The following KPNA5 variants were observed in gnomAD, a reference collection of about 807,000 sequenced individuals.
KPNA5 encodes the protein karyopherin subunit alpha 5.
In KPNA5, 46 loss-of-function variants were observed where a neutral mutation model predicts 71.3. The ratio of observed to expected loss-of-function variants is 0.65; its 90% CI spans 0.51 to 0.83. The LOEUF is 0.83. Among genes scored for constraint, KPNA5 ranks in the 40% least tolerant of loss-of-function variants. KPNA5 has a pLI of 0.00. For synonymous variants in KPNA5, 207 were observed against 201.4 expected (o/e 1.03, Z -0.24); for missense variants, 547 against 628.3 (o/e 0.87, Z 1.38).
At chr6:116,706,691 GATA>G (rs941409504) in intron 7 of KPNA5, among the ~76,000 whole-genome samples, 1 of 151,662 alleles carries the variant, frequency 6.6e-6, no homozygotes, top group African/African-American at 2.4e-5. Context: ...CTCCATTTCA[GATA>G]ATAATAATAA....
At chr6:116,726,363 ATT>A in intron 11 of KPNA5, 130 bp from the exon 12 acceptor site, 1 of 708,584 alleles carries the variant, frequency 1.4e-6, no homozygotes. Flanking sequence ...CAGAATAGAA[ATT>A]AAAAATTTAT....
At chr6:116,685,439 C>A (rs1777537624) in intron 1 of KPNA5, among the ~76,000 whole-genome samples, 1 of 152,112 alleles carries the variant, frequency 6.6e-6, no homozygotes, top group African/African-American at 2.4e-5. Flanking sequence ...CTCCTCCTAC[C>A]CTCCACCCTC....
chr6:116,712,925 C>T (rs557655196), intron 7 of KPNA5, among the ~76,000 whole-genome samples: 39 of 152,126 alleles, frequency 2.6e-4, no homozygotes, highest in South Asian at 4.1e-4. Flanking sequence ...TTGAATTACT[C>T]GCAGTTTACC....
In KPNA5 at chr6:116,722,310, C is replaced by T. The variant is rs763576250; in HGVS notation, c.920+21C>T. The T allele has an allele frequency of 7.0e-6, 11 of 1,564,572 alleles. No homozygotes were observed. In the South Asian group the frequency reaches 9.4e-5, roughly 13 times the overall value. On this transcript the variant is annotated intron_variant, in intron 9 of 13. Transcript: ENST00000368564. ...TTGATGTAACTATAAATAATTTATG[C>T]TTAATAATTGTATGATTGAGATTAA...
intron 1 of KPNA5, among the ~76,000 whole-genome samples, chr6:116,685,055 T>G (rs1041206733): frequency 1.5e-4 from 23 of 152,350 alleles, no homozygotes; most frequent in African/African-American, 5.5e-4. Context: ...AAATGAAAAC[T>G]TATGTTTACA....
At position 116,726,499 on chromosome 6, in the gene KPNA5, T is replaced by C; in HGVS notation, c.1130T>C (p.Val377Ala). ...ATATATTTTTCCCCCTCTCAGGCTG[T>C]TATAGATGCAAATATTTTTCCTGTT... ...TAGNRAQIQA[V>A]IDANIFPVLI... Residue 377 changes from valine to alanine, a missense_variant, in exon 12 of 14, where the codon GTT becomes GCT. By Grantham distance (64) the Val-to-Ala change is moderately conservative (BLOSUM62 0). Transcript: ENST00000368564. The C allele has an allele frequency of 6.2e-7, 1 of 1,610,578 alleles. No individual in the cohort carries two copies. The highest frequency in any genetic ancestry group is 1.1e-5 in the South Asian group (1 of 90,732).
chr6:116,715,676 G>A lies in KPNA5; in HGVS notation c.657-543G>A, dbSNP rs912863806. ...TTCACGCCTGTAATCCTAGCACTTT[G>A]GGAGCCTGAGGCAGGTGGATCACGA... On this transcript the variant is annotated intron_variant, in intron 7 of 13. Coordinates refer to ENST00000368564, the MANE Select transcript of KPNA5 (RefSeq NM_001366306.2). Among the ~76,000 whole-genome samples the A allele has an allele frequency of 6.6e-5, 10 of 152,058 alleles. No homozygotes were observed. In the South Asian group the frequency reaches 2.1e-3, roughly 32 times the overall value.
chr6:116,708,176 C>T (rs1778519730), intron 7 of KPNA5, among the ~76,000 whole-genome samples: 1 of 152,182 alleles, frequency 6.6e-6, no homozygotes, highest in African/African-American at 2.4e-5. Flanking sequence ...GGTGTGTCCA[C>T]CTTTTGACTA....
intron 5 of KPNA5, among the ~76,000 whole-genome samples, chr6:116,699,450 C>T (rs1206509534): frequency 6.6e-6 from 1 of 152,128 alleles, no homozygotes; most frequent in Non-Finnish European, 1.5e-5. Context: ...AGGAATTGCA[C>T]AAGACATACA....
rs1778393075 is a variant in KPNA5 at position 116,705,167 on chromosome 6, A to G, written c.656+7A>G. ...TACTTCCACCTCTTTTAGAGTAAGTACTTTATCACAATTAAGTATATATCA... is the reference window on the plus strand; with the variant it reads ...TACTTCCACCTCTTTTAGAGTAAGTGCTTTATCACAATTAAGTATATATCA... On this transcript the variant is annotated splice_region_variant and intron_variant, in intron 7 of 13. Coordinates refer to ENST00000368564, the MANE Select transcript of KPNA5 (RefSeq NM_001366306.2). The G allele has an allele frequency of 6.3e-7, 1 of 1,580,218 alleles. No individual in the cohort carries two copies.
chr6:116,694,868 G>C (rs1777962293), intron 4 of KPNA5, among the ~76,000 whole-genome samples: 1 of 152,090 alleles, frequency 6.6e-6, no homozygotes, highest in Non-Finnish European at 1.5e-5. Flanking sequence ...GGGGGTCAAA[G>C]GGAATACACT....
intron 12 of KPNA5, among the ~76,000 whole-genome samples, chr6:116,726,873 C>G (rs571864169): frequency 3.9e-5 from 6 of 151,966 alleles, no homozygotes; most frequent in African/African-American, 1.4e-4. Flanking sequence ...CGGGAACGGT[C>G]TATGTTAATT....
intron 7 of KPNA5, among the ~76,000 whole-genome samples, chr6:116,706,890 G>T (rs1407249865): frequency 1.3e-5 from 2 of 152,060 alleles, no homozygotes; most frequent in Admixed American, 6.6e-5. Flanking sequence ...CAGGCCGGGC[G>T]CAGTGGCTCA....
intron 3 of KPNA5, 68 bp from the exon 4 acceptor site, chr6:116,692,225 T>G: frequency 1.4e-6 from 2 of 1,417,082 alleles, no homozygotes; most frequent in Non-Finnish European, 2.0e-6. Flanking sequence ...ATAACAAATA[T>G]TTATGCATGC....
chr6:116,715,563 TTTA>T (rs765214496), intron 7 of KPNA5, among the ~76,000 whole-genome samples: 11 of 152,178 alleles, frequency 7.2e-5, no homozygotes, highest in Non-Finnish European at 1.3e-4. Flanking sequence ...ATAGGTAATC[TTTA>T]TATAATTTAA....
chr6:116,692,052 C>T lies in KPNA5; in HGVS notation c.139-3C>T, dbSNP rs1487889804. The T allele has an allele frequency of 1.3e-6, 2 of 1,587,466 alleles. No individual in the cohort carries two copies. Among genetic ancestry groups the T allele is most frequent in the Non-Finnish European group, 1.7e-6 (2 of 1,156,646 alleles). On this transcript the variant is annotated splice_polypyrimidine_tract_variant and splice_region_variant and intron_variant, in intron 2 of 13. Coordinates refer to ENST00000368564, the MANE Select transcript of KPNA5 (RefSeq NM_001366306.2). ...TGTGTAAACTGATTTCTCTTTATTA[C>T]AGTTGTTCAAACGCAGAAATGTCTA...
intron 7 of KPNA5, among the ~76,000 whole-genome samples, chr6:116,710,871 T>TCATATA (rs1221307889): frequency 9.6e-6 from 1 of 103,832 alleles, no homozygotes; most frequent in Non-Finnish European, 1.9e-5. Flanking sequence ...AGTAATATTA[T>TCATATA]TTTATATATA....
intron 11 of KPNA5, among the ~76,000 whole-genome samples, 172 bp downstream of exon 11, chr6:116,726,048 G>A (rs73765840): frequency 0.012 from 1,736 of 146,130 alleles, 32 homozygotes; most frequent in African/African-American, 0.042. Flanking sequence ...TAGTATTCTA[G>A]TGAAGAACAT....
intron 8 of KPNA5, 63 bp downstream of exon 8, chr6:116,716,381 C>CT (rs1415588082): frequency 6.1e-5 from 68 of 1,119,750 alleles, no homozygotes; most frequent in Non-Finnish European, 7.5e-5. Flanking sequence ...TATATAATAG[C>CT]TTTTTGATGT....
Sources: allele counts gnomAD v4.1 joint callset (sites outside exome capture counted in the v4.1 genomes callset), GRCh38; gene constraint gnomAD v4.1.1; transcripts MANE v1.5; gene names NCBI Gene and HGNC (gene_info 2026-07-23, HGNC 2026-07-21).